Variants in GLT8D2 observed in about 807,000 individuals in gnomAD.
GLT8D2 encodes the protein glycosyltransferase 8 domain-containing protein 2.
In GLT8D2, 45 loss-of-function variants were observed where a neutral mutation model predicts 44.5. The observed-to-expected ratio is 1.01, with a 90% CI of 0.80 to 1.30. GLT8D2 has a LOEUF of 1.30. Ranked by LOEUF, GLT8D2 falls within the 50% of genes most tolerant of loss-of-function variation. The probability of loss-of-function intolerance (pLI) is 0.00; values close to 1 mark genes in which losing one functional copy is unlikely to be tolerated. For synonymous variants in GLT8D2, 156 were observed against 157.2 expected (o/e 0.99, Z 0.06); for missense variants, 400 against 430.4 (o/e 0.93, Z 0.62).
intron 10 of GLT8D2, among the ~76,000 whole-genome samples, chr12:103,992,086 A>C (rs1220243066): frequency 6.6e-6 from 1 of 152,202 alleles, no homozygotes; most frequent in Non-Finnish European, 1.5e-5. Context: ...TTTAAAATCC[A>C]AACCCTTTCT....
chr12:104,056,217 T>C (rs1882174747), intron 1 of GLT8D2, among the ~76,000 whole-genome samples: 1 of 152,216 alleles, frequency 6.6e-6, no homozygotes, highest in African/African-American at 2.4e-5. Flanking sequence ...CCCTGCAATC[T>C]GTAAACAGAC....
intron 1 of GLT8D2, among the ~76,000 whole-genome samples, chr12:104,040,555 A>G (rs1414249730): frequency 6.6e-6 from 1 of 151,972 alleles, no homozygotes; most frequent in African/African-American, 2.4e-5. Context: ...CCTCCAAAGT[A>G]GCTGGGATTA....
rs1474536906 is a variant in GLT8D2 at position 104,014,306 on chromosome 12, T to C, written c.112+707A>G. The stretch of plus-strand genomic sequence containing the variant: ...GGAGGTCGAGGCTGCAGGGAGCTGC[T>C]ATTGTGCCACTGTATTTGAGCTGGG... On this transcript the variant is annotated intron_variant, in intron 4 of 10. Transcript: ENST00000360814. The C allele has an allele frequency of 5.7e-6, 4 of 700,630 alleles. No individual in the cohort carries two copies. In the East Asian group the frequency reaches 1.1e-4, roughly 19 times the overall value. The allele number at this position is 700,630 out of a possible 1,614,324, so 43.4% of individuals were successfully genotyped here. A position where few individuals can be genotyped will look rare whatever the true frequency, so the allele number is the denominator to read the frequency against.
rs184757649 is a variant in GLT8D2, at chr12:104,001,939, G to A, written c.284+1196C>T. 4.6e-5 allele frequency among the ~76,000 whole-genome samples: 7 copies of A among 152,072 alleles called. No individual in the cohort carries two copies. In the East Asian group the frequency reaches 9.7e-4, roughly 21 times the overall value. On this transcript the variant is annotated intron_variant, in intron 5 of 10. Transcript: ENST00000360814. ...GGCTGGTCTCAAATTCTTGACTTCA[G>A]GTAGGATTACAGGAGTTAGCCACTG...
At chr12:104,012,527 G>A (rs951083094) in intron 4 of GLT8D2, 6 of 329,444 alleles carry the variant, frequency 1.8e-5, no homozygotes, top group Non-Finnish European at 3.3e-5. Flanking sequence ...GAAGAAGGGA[G>A]TCTGTGGTGG....
intron 1 of GLT8D2, among the ~76,000 whole-genome samples, chr12:104,027,457 G>A (rs1457953781): frequency 1.3e-5 from 2 of 152,142 alleles, no homozygotes; most frequent in Non-Finnish European, 2.9e-5. Flanking sequence ...TCCACTTCCT[G>A]GACATCCTAG....
chr12:104,036,624 T>C (rs1258127854), intron 1 of GLT8D2, among the ~76,000 whole-genome samples: 1 of 152,208 alleles, frequency 6.6e-6, no homozygotes, highest in East Asian at 1.9e-4. Flanking sequence ...TTCCTAAGTA[T>C]ATATGCACCC....
In GLT8D2 at chr12:104,030,719, T is replaced by C. The variant is rs543036632; in HGVS notation, c.-163-9228A>G. The C allele has an allele frequency of 1.6e-4, 256 of 1,610,040 alleles. 1 individual carries two copies. The highest frequency in any genetic ancestry group is 2.0e-4 in the Non-Finnish European group (235 of 1,178,990). Reference sequence around the variant, plus strand: ...AAAAACAAATAACTTGATTTAAAAATAGGCAAAGGACTCCGGAATCTGCTA... The same window carrying C: ...AAAAACAAATAACTTGATTTAAAAACAGGCAAAGGACTCCGGAATCTGCTA... On this transcript the variant is annotated intron_variant, in intron 1 of 10. Coordinates refer to ENST00000360814, the MANE Select transcript of GLT8D2 (RefSeq NM_001384711.1).
intron 5 of GLT8D2, among the ~76,000 whole-genome samples, chr12:104,000,154 G>C (rs1222968129): frequency 6.6e-6 from 1 of 151,972 alleles, no homozygotes; most frequent in South Asian, 2.1e-4. Flanking sequence ...AGCCACCTAG[G>C]GTAGTATTTG....
chr12:104,028,701 G>A (rs985934294), intron 1 of GLT8D2, among the ~76,000 whole-genome samples: 2 of 152,094 alleles, frequency 1.3e-5, no homozygotes, highest in Non-Finnish European at 2.9e-5. Context: ...TAAAGTGATA[G>A]GGGGTAAAAT....
intron 1 of GLT8D2, chr12:104,031,632 C>A (rs1455863273): frequency 4.5e-6 from 6 of 1,340,502 alleles, no homozygotes; most frequent in Non-Finnish European, 6.3e-6. Flanking sequence ...TCACACTGAC[C>A]ACATCTGTAG....
At chr12:103,996,597 C>T in intron 8 of GLT8D2, 138 bp downstream of exon 8, 1 of 627,896 alleles carries the variant, frequency 1.6e-6, no homozygotes, top group Admixed American at 3.0e-5. Flanking sequence ...GACCCCTGTA[C>T]TGTTCCACCT....
In GLT8D2 at chr12:104,021,464, C is replaced by G. The variant is rs1483637947; in HGVS notation, c.-136G>C. On this transcript the variant is annotated 5_prime_UTR_variant, in exon 2 of 11. Transcript: ENST00000360814. ...CGCTCTGCACCTTCTAACCTCAGCC[C>G]ACCTCCACGCTGCTCTTCCCACAGG... 3 of 152,438 alleles carry G rather than the reference C, an allele frequency of 2.0e-5. No individual in the cohort carries two copies. The highest frequency in any genetic ancestry group is 4.8e-5 in the African/African-American group (2 of 41,384). 9.4% of individuals were successfully genotyped at this position (152,438 alleles called of 1,614,324 possible).
intron 1 of GLT8D2, among the ~76,000 whole-genome samples, chr12:104,021,918 GAA>G (rs1877760922): frequency 1.3e-4 from 3 of 23,022 alleles, no homozygotes; most frequent in East Asian, 3.6e-3. Flanking sequence ...AGAAGAAGAA[GAA>G]GAAGAAGAAG....
upstream of GLT8D2, among the ~76,000 whole-genome samples, chr12:104,052,501 T>A (rs188203187): frequency 9.2e-5 from 14 of 152,310 alleles, no homozygotes; most frequent in African/African-American, 3.1e-4. Flanking sequence ...ACTTCTTAAG[T>A]GTTTCCTTCT....
chr12:104,017,930 C>T (rs966930325), intron 3 of GLT8D2, among the ~76,000 whole-genome samples: 1 of 152,084 alleles, frequency 6.6e-6, no homozygotes, highest in African/African-American at 2.4e-5. Flanking sequence ...CCAATAAAGA[C>T]TTTACAAATG....
chr12:104,012,438 G>T (rs375910805), intron 4 of GLT8D2, among the ~76,000 whole-genome samples: 34 of 152,186 alleles, frequency 2.2e-4, no homozygotes, highest in African/African-American at 7.5e-4. Flanking sequence ...CTCTGTATAG[G>T]TCTGATTAGG....
Position 103,996,866 on chromosome 12 carries a change from C to G in GLT8D2, c.488-19G>C. 2 of 1,543,082 alleles carry G rather than the reference C, an allele frequency of 1.3e-6. No homozygotes were observed. The highest frequency in any genetic ancestry group is 1.8e-6 in the Non-Finnish European group (2 of 1,118,570). On this transcript the variant is annotated intron_variant, in intron 7 of 10. Transcript: ENST00000360814. ...ATATCACCTGAATTTAGAAACACCA[C>G]CAAGTAAAACATTATAGCATTTGTT...
At chr12:103,995,031 A>T (rs562142177) in intron 8 of GLT8D2, among the ~76,000 whole-genome samples, 1 of 152,180 alleles carries the variant, frequency 6.6e-6, no homozygotes, top group South Asian at 2.1e-4. Flanking sequence ...TTCTCATCCA[A>T]ATATTTCAGC....
Sources: gnomAD v4.1 joint callset for allele counts (sites outside exome capture counted in the v4.1 genomes callset) on GRCh38, gnomAD v4.1.1 for gene constraint, MANE v1.5 for transcripts, NCBI Gene and HGNC (gene_info 2026-07-23, HGNC 2026-07-21) for gene names.